Variants in SRGAP3 observed in about 807,000 individuals in gnomAD.
SRGAP3 encodes SLIT-ROBO Rho GTPase activating protein 3.
In SRGAP3, 39 loss-of-function variants were observed where a neutral mutation model predicts 121.1. The observed-to-expected ratio is 0.32, with a 90% CI of 0.25 to 0.42. SRGAP3 has a LOEUF of 0.42. Ranked by LOEUF, SRGAP3 falls within the 10% of genes least tolerant of loss-of-function variation. The probability of loss-of-function intolerance (pLI) is 1.00; values close to 1 mark genes in which losing one functional copy is unlikely to be tolerated. For synonymous variants in SRGAP3, 601 were observed against 570.0 expected (o/e 1.05, Z -0.77); for missense variants, 1,213 against 1,470.6 (o/e 0.82, Z 2.86).
Position 9,032,202 on chromosome 3 carries a change from A to C in SRGAP3, c.1539+448T>G, listed in dbSNP as rs117632954. 1.9e-3 allele frequency among the ~76,000 whole-genome samples: 283 copies of C among 152,340 alleles called. 5 individuals are homozygous for C. The East Asian group carries it at 0.046, about 25-fold the overall frequency. The stretch of plus-strand genomic sequence containing the variant: ...GCTGGTATATATGCAACTAAAAAAA[A>C]AATTCACGTGTATAAAAACACACTG... On this transcript the variant is annotated intron_variant, in intron 12 of 21. Transcript: ENST00000383836.
chr3:9,290,895 T>C (rs1422433036), intron 3 of SRGAP3, among the ~76,000 whole-genome samples: 3 of 152,202 alleles, frequency 2.0e-5, no homozygotes, highest in African/African-American at 7.2e-5. Context: ...TATATCTTGC[T>C]ATAAGGATGT....
At position 8,984,901 on chromosome 3, in the gene SRGAP3, G is replaced by A. The variant is rs913418978; in HGVS notation, c.*618C>T. On this transcript the variant is annotated 3_prime_UTR_variant, in exon 22 of 22. Transcript: ENST00000383836. Reference sequence around the variant, plus strand: ...TTTTTCTGCAGGTTAGTGGTATATTGCTTCATTCGCAGTTACTATGGGCCT... The same window carrying A: ...TTTTTCTGCAGGTTAGTGGTATATTACTTCATTCGCAGTTACTATGGGCCT... The A allele has an allele frequency of 1.3e-5, 3 of 228,864 alleles. No homozygotes were observed. The highest frequency in any genetic ancestry group is 2.6e-5 in the Non-Finnish European group (3 of 115,128). The allele number at this position is 228,864 out of a possible 1,614,324, so 14.2% of individuals were successfully genotyped here.
chr3:9,042,633 T>C (rs1945075751), intron 10 of SRGAP3, among the ~76,000 whole-genome samples: 1 of 152,132 alleles, frequency 6.6e-6, no homozygotes, highest in South Asian at 2.1e-4. Context: ...GGAGAAAAGT[T>C]CGGTAAAACA....
rs1354791034 is a variant in SRGAP3 at position 9,296,006 on chromosome 3, T to C, written n.442+30004A>G. On this transcript the variant is annotated intron_variant and non_coding_transcript_variant, in intron 3 of 3. Transcript: ENST00000490889. ...TTGAGGCTGAATAATATTCATTGTA[T>C]ACTTAGAGCACATTTTCTTTATCCA... Among the ~76,000 whole-genome samples, 5 of 152,238 alleles carry C rather than the reference T, an allele frequency of 3.3e-5. No homozygotes were observed. In the East Asian group the frequency reaches 9.6e-4, roughly 29 times the overall value.
At chr3:9,006,230 C>G (rs1013679603) in intron 18 of SRGAP3, among the ~76,000 whole-genome samples, 4 of 152,078 alleles carry the variant, frequency 2.6e-5, no homozygotes, top group African/African-American at 9.6e-5. Flanking sequence ...GAAACCCCGT[C>G]TCTACTAAAA....
intron 4 of SRGAP3, among the ~76,000 whole-genome samples, chr3:9,065,015 C>T (rs565795310): frequency 1.4e-4 from 21 of 152,126 alleles, no homozygotes; most frequent in South Asian, 2.1e-4. Flanking sequence ...GGCATCCCTC[C>T]GTCTCCTCCC....
chr3:9,273,604 C>T (rs761623630), intron 3 of SRGAP3, among the ~76,000 whole-genome samples: 8 of 152,020 alleles, frequency 5.3e-5, no homozygotes, highest in Non-Finnish European at 7.4e-5. Flanking sequence ...TGATGTAGTC[C>T]GATTTATTTT....
intron 2 of SRGAP3, among the ~76,000 whole-genome samples, chr3:9,115,018 T>G (rs1948754529): frequency 6.6e-6 from 1 of 152,250 alleles, no homozygotes; most frequent in African/African-American, 2.4e-5. Flanking sequence ...TTTGCCCAGA[T>G]GGACACGGCT....
intron 1 of SRGAP3, among the ~76,000 whole-genome samples, chr3:9,167,233 T>G (rs1950819842): frequency 6.6e-6 from 1 of 152,082 alleles, no homozygotes; most frequent in Admixed American, 6.5e-5. Flanking sequence ...CTACCTGCCC[T>G]CACTATAGCC....
chr3:9,238,928 G>C (rs1047354459), intron 1 of SRGAP3, among the ~76,000 whole-genome samples: 11 of 152,200 alleles, frequency 7.2e-5, no homozygotes, highest in African/African-American at 2.4e-4. Flanking sequence ...CAATAAGAAA[G>C]AGGATGTCCC....
chr3:9,073,697 C>T (rs911893168), intron 4 of SRGAP3, among the ~76,000 whole-genome samples: 17 of 152,366 alleles, frequency 1.1e-4, no homozygotes, highest in South Asian at 8.3e-4. Flanking sequence ...AGACCAGCCC[C>T]TGGCCTTCAA....
At chr3:9,157,127 A>C (rs1256387552) in intron 1 of SRGAP3, among the ~76,000 whole-genome samples, 2 of 152,174 alleles carry the variant, frequency 1.3e-5, no homozygotes, top group Non-Finnish European at 2.9e-5. Context: ...GTAATTTATA[A>C]AGAAAATTTA....
At chr3:9,171,801 G>C (rs190869821) in intron 1 of SRGAP3, among the ~76,000 whole-genome samples, 1 of 151,976 alleles carries the variant, frequency 6.6e-6, no homozygotes, top group Non-Finnish European at 1.5e-5. Flanking sequence ...ATAGCATCTC[G>C]GACTGAGTGA....
At chr3:9,316,104 A>C (rs1338271236) in intron 3 of SRGAP3, among the ~76,000 whole-genome samples, 1 of 152,004 alleles carries the variant, frequency 6.6e-6, no homozygotes, top group Non-Finnish European at 1.5e-5. Context: ...GCTGGAGTGC[A>C]GTGGCACGAT....
chr3:9,224,454 C>T (rs999542394), intron 1 of SRGAP3, among the ~76,000 whole-genome samples: 8 of 152,190 alleles, frequency 5.3e-5, no homozygotes, highest in African/African-American at 1.9e-4. Flanking sequence ...GCCTGCCCAT[C>T]TTCTCCCCCC....
chr3:9,304,239 G>C (rs1955119729), intron 3 of SRGAP3, among the ~76,000 whole-genome samples: 1 of 152,108 alleles, frequency 6.6e-6, no homozygotes, highest in Non-Finnish European at 1.5e-5. Flanking sequence ...TGGCACGTGG[G>C]GGTTGCCCAT....
intron 3 of SRGAP3, among the ~76,000 whole-genome samples, chr3:9,288,133 T>TTC (rs1553567481): frequency 6.7e-6 from 1 of 150,150 alleles, no homozygotes; most frequent in Non-Finnish European, 1.5e-5. Context: ...TATCTTTGTT[T>TTC]TTTTTTTTTT....
Position 9,010,391 on chromosome 3 carries a change from C to T in SRGAP3, c.2148-4G>A, listed in dbSNP as rs756626294. 5.0e-6 allele frequency: 8 copies of T among 1,614,042 alleles called. No individual in the cohort carries two copies. Among genetic ancestry groups the T allele is most frequent in the Non-Finnish European group, 5.9e-6 (7 of 1,180,018 alleles). On this transcript the variant is annotated splice_polypyrimidine_tract_variant and splice_region_variant and intron_variant, in intron 17 of 21. Coordinates refer to ENST00000383836, the MANE Select transcript of SRGAP3 (RefSeq NM_014850.4). ...TGGCTCGCTGTGTGGGCTGTCACTGCAAGGAAACACGGGAATGGGACTCAC... is the reference window on the plus strand; with the variant it reads ...TGGCTCGCTGTGTGGGCTGTCACTGTAAGGAAACACGGGAATGGGACTCAC...
At chr3:9,276,348 T>C (rs1954576075) in intron 3 of SRGAP3, among the ~76,000 whole-genome samples, 1 of 152,104 alleles carries the variant, frequency 6.6e-6, no homozygotes. Flanking sequence ...AGCCCACCTG[T>C]CTTGCTGGAC....
Sources: gnomAD v4.1 joint callset for allele counts (sites outside exome capture counted in the v4.1 genomes callset) on GRCh38, gnomAD v4.1.1 for gene constraint, MANE v1.5 for transcripts, NCBI Gene and HGNC (gene_info 2026-07-23, HGNC 2026-07-21) for gene names.